The following SPECC1L variants were observed in gnomAD, a reference collection of about 807,000 sequenced individuals.
The protein encoded by SPECC1L is sperm antigen with calponin homology and coiled-coil domains 1 like.
In SPECC1L, 40 loss-of-function variants were observed where a neutral mutation model predicts 116.8. The ratio of observed to expected loss-of-function variants is 0.34; its 90% CI spans 0.27 to 0.45. The LOEUF is 0.45. SPECC1L is among the 20% of genes least tolerant of loss of function. SPECC1L has a pLI of 1.00. For missense variants in SPECC1L, 1,110 were observed against 1,373.6 expected, an observed-to-expected ratio of 0.81 and a Z score of 3.03; for synonymous variants, 504 against 500.6, an observed-to-expected ratio of 1.01 and a Z score of -0.09.
Position 24,318,393 on chromosome 22 carries a change from C to T in SPECC1L, c.308-2895C>T, listed in dbSNP as rs972187746. On this transcript the variant is annotated intron_variant, in intron 4 of 16. Coordinates refer to ENST00000314328, the MANE Select transcript of SPECC1L (RefSeq NM_015330.6). ...AAAACCAGTCAGGCGTGGCGGCGCG[C>T]GCCTGCAATCGCAGGCACTCGGCAG... Among the ~76,000 whole-genome samples, 13 of 152,194 alleles carry T rather than the reference C, an allele frequency of 8.5e-5. No individual in the cohort carries two copies. The East Asian group carries it at 1.4e-3, about 16-fold the overall frequency.
chr22:24,331,838 T>A (rs1298426903), intron 8 of SPECC1L, among the ~76,000 whole-genome samples: 2 of 152,230 alleles, frequency 1.3e-5, no homozygotes, highest in African/African-American at 4.8e-5. Context: ...GATTTTTTTT[T>A]AATGTAGGTT....
chr22:24,297,225 G>A (rs2049284701), intron 2 of SPECC1L, among the ~76,000 whole-genome samples: 2 of 150,460 alleles, frequency 1.3e-5, no homozygotes, highest in African/African-American at 2.5e-5. Flanking sequence ...GAGCCACTGC[G>A]CCTGGCCTAG....
At position 24,411,789 on chromosome 22, in the gene SPECC1L, C is replaced by T. The variant is rs2042704000; in HGVS notation, c.3204+85C>T. On this transcript the variant is annotated intron_variant, in intron 15 of 16. Coordinates refer to ENST00000314328, the MANE Select transcript of SPECC1L (RefSeq NM_015330.6). The stretch of plus-strand genomic sequence containing the variant: ...AAGGGCAGCACCTGCCTCAGCAGGT[C>T]ACATGCCACAGCGCTGGCTTGCGAT... 3 of 1,107,290 alleles carry T rather than the reference C, an allele frequency of 2.7e-6. No homozygotes were observed. The Admixed American group carries it at 5.1e-5, about 19-fold the overall frequency. 68.6% of individuals were successfully genotyped at this position (1,107,290 alleles called of 1,614,324 possible). A position where few individuals can be genotyped will look rare whatever the true frequency, so the allele number is the denominator to read the frequency against.
intron 1 of SPECC1L, among the ~76,000 whole-genome samples, chr22:24,275,868 C>G (rs933997535): frequency 2.0e-5 from 3 of 152,146 alleles, no homozygotes; most frequent in African/African-American, 7.2e-5. Flanking sequence ...ACCAGCACAC[C>G]TGGCTAATTT....
At chr22:24,310,619 G>T (rs567767061) in intron 3 of SPECC1L, among the ~76,000 whole-genome samples, 172 of 151,880 alleles carry the variant, frequency 1.1e-3, no homozygotes, top group African/African-American at 4.1e-3. Context: ...GTGTGTGTTT[G>T]TAAACTGATT....
At chr22:24,395,486 C>T (rs1235350182) in intron 14 of SPECC1L, among the ~76,000 whole-genome samples, 2 of 152,076 alleles carry the variant, frequency 1.3e-5, no homozygotes, top group Non-Finnish European at 2.9e-5. Context: ...ATGTCTTCTC[C>T]AAGGAAGAGA....
intron 6 of SPECC1L, among the ~76,000 whole-genome samples, chr22:24,325,713 A>G (rs778021262): frequency 6.6e-6 from 1 of 152,182 alleles, no homozygotes; most frequent in Non-Finnish European, 1.5e-5. Flanking sequence ...AATGAATGCA[A>G]CTTGAGAATT....
At chr22:24,340,934 A>G (rs540731199) in intron 10 of SPECC1L, among the ~76,000 whole-genome samples, 1 of 152,314 alleles carries the variant, frequency 6.6e-6, no homozygotes, top group East Asian at 1.9e-4. Flanking sequence ...ATTAATAGAA[A>G]GATGGACAAA....
intron 14 of SPECC1L, among the ~76,000 whole-genome samples, chr22:24,378,732 C>A (rs1383277991): frequency 1.3e-5 from 2 of 152,160 alleles, no homozygotes; most frequent in East Asian, 3.8e-4. Flanking sequence ...TCAGAACACA[C>A]AGAACTTTAT....
chr22:24,293,672 CTG>C (rs2049201192), intron 2 of SPECC1L, among the ~76,000 whole-genome samples: 1 of 148,234 alleles, frequency 6.7e-6, no homozygotes, highest in African/African-American at 2.5e-5. Flanking sequence ...CAGACCAGAT[CTG>C]TCTTGTATCT....
chr22:24,393,305 TGA>T (rs2042305886), intron 14 of SPECC1L, among the ~76,000 whole-genome samples: 1 of 152,166 alleles, frequency 6.6e-6, no homozygotes, highest in Non-Finnish European at 1.5e-5. Context: ...GCCTCACAAA[TGA>T]GAGGGAATCT....
At chr22:24,365,226 T>C (rs894316306) in intron 12 of SPECC1L, among the ~76,000 whole-genome samples, 2 of 152,186 alleles carry the variant, frequency 1.3e-5, no homozygotes, top group African/African-American at 4.8e-5. Flanking sequence ...CAGGCTGGTC[T>C]GGAACTCCTG....
At chr22:24,398,886 A>T (rs1462970343) in intron 14 of SPECC1L, among the ~76,000 whole-genome samples, 1 of 152,188 alleles carries the variant, frequency 6.6e-6, no homozygotes, top group East Asian at 1.9e-4. Context: ...CAGAGCATGC[A>T]CCAGGGCAGA....
chr22:24,371,055 G>A (rs553135384), intron 14 of SPECC1L, among the ~76,000 whole-genome samples: 2 of 152,136 alleles, frequency 1.3e-5, no homozygotes, highest in East Asian at 3.9e-4. Flanking sequence ...ATTAAAGATG[G>A]TTAAAATGAT....
intron 5 of SPECC1L, among the ~76,000 whole-genome samples, chr22:24,323,741 T>G (rs191148558): frequency 1.3e-5 from 2 of 152,326 alleles, no homozygotes; most frequent in Admixed American, 6.5e-5. Flanking sequence ...AGTTACAGTT[T>G]AGGAGATTTG....
intron 10 of SPECC1L, among the ~76,000 whole-genome samples, chr22:24,339,806 G>A (rs1386746865): frequency 6.6e-6 from 1 of 152,116 alleles, no homozygotes; most frequent in African/African-American, 2.4e-5. Flanking sequence ...ACCCCGAAAC[G>A]GGGTCTCCCT....
At position 24,357,961 on chromosome 22, in the gene SPECC1L, C is replaced by T. The variant is rs142622518; in HGVS notation, c.2744-5300C>T. Among the ~76,000 whole-genome samples, 166 of 152,144 alleles carry T rather than the reference C, an allele frequency of 1.1e-3. 1 individual carries two copies. Among genetic ancestry groups the T allele is most frequent in the African/African-American group, 3.5e-3 (146 of 41,500 alleles). On this transcript the variant is annotated intron_variant, in intron 11 of 16. Transcript: ENST00000314328. ...CATTTGTAATAGCTGCTTTTAAGTT[C>T]TTTTCTGCCATTTCTAGGACATAGG...
intron 2 of SPECC1L, among the ~76,000 whole-genome samples, chr22:24,282,670 A>T (rs1247578428): frequency 1.3e-5 from 2 of 152,066 alleles, no homozygotes; most frequent in Admixed American, 1.3e-4. Context: ...TATTTTTTTA[A>T]TAAGGAATGA....
intron 11 of SPECC1L, among the ~76,000 whole-genome samples, chr22:24,357,131 G>T (rs2146601199): frequency 6.6e-6 from 1 of 152,282 alleles, no homozygotes; most frequent in South Asian, 2.1e-4. Flanking sequence ...TTTCAGCAGA[G>T]AGATGGAAGC....
Sources: allele counts gnomAD v4.1 joint callset (sites outside exome capture counted in the v4.1 genomes callset), GRCh38; gene constraint gnomAD v4.1.1; transcripts MANE v1.5; gene names NCBI Gene and HGNC (gene_info 2026-07-23, HGNC 2026-07-21).